The following KAZN variants were observed in gnomAD, a reference collection of about 807,000 sequenced individuals.
The protein encoded by KAZN is kazrin, periplakin interacting protein, also known as kazrin.
In KAZN, 40 loss-of-function variants were observed where a neutral mutation model predicts 87.4. The ratio of observed to expected loss-of-function variants is 0.46; its 90% CI spans 0.36 to 0.60. The LOEUF (loss-of-function observed/expected upper bound fraction) is 0.60, where lower values mean the gene tolerates loss of function less well. Among genes scored for constraint, KAZN ranks in the 20% least tolerant of loss-of-function variants. The pLI is 0.00. For synonymous variants in KAZN, 466 were observed against 458.3 expected (o/e 1.02, Z -0.22); for missense variants, 898 against 1,073.9 (o/e 0.84, Z 2.29).
At chr1:13,896,682 G>C (rs1160859709) in intron 1 of KAZN, among the ~76,000 whole-genome samples, 1 of 152,188 alleles carries the variant, frequency 6.6e-6, no homozygotes, top group African/African-American at 2.4e-5. Flanking sequence ...CATTTGGGAA[G>C]GAAAGCCTTG....
intron 1 of KAZN, among the ~76,000 whole-genome samples, chr1:14,878,867 A>G (rs1653040855): frequency 6.6e-6 from 1 of 152,196 alleles, no homozygotes; most frequent in Admixed American, 6.5e-5. Context: ...ATGAACGTAT[A>G]AAATGAATTT....
chr1:13,924,231 A>C (rs1640183242), intron 1 of KAZN, among the ~76,000 whole-genome samples: 1 of 152,222 alleles, frequency 6.6e-6, no homozygotes, highest in South Asian at 2.1e-4. Flanking sequence ...TGAAGGCTAA[A>C]AACTCAAAGG....
At chr1:15,051,953 G>C (rs2100446614) in intron 4 of KAZN, among the ~76,000 whole-genome samples, 1 of 152,344 alleles carries the variant, frequency 6.6e-6, no homozygotes, top group Non-Finnish European at 1.5e-5. Flanking sequence ...TTTGTGTCAA[G>C]TTAACAATTC....
intron 1 of KAZN, among the ~76,000 whole-genome samples, chr1:13,968,987 C>A (rs1642041062): frequency 6.6e-6 from 1 of 152,200 alleles, no homozygotes; most frequent in Non-Finnish European, 1.5e-5. Flanking sequence ...CTTATCAAGT[C>A]TAAAATGAGA....
chr1:14,746,785 T>C (rs1263854886), intron 1 of KAZN, among the ~76,000 whole-genome samples: 1 of 152,202 alleles, frequency 6.6e-6, no homozygotes, highest in Admixed American at 6.5e-5. Flanking sequence ...GTCAAAGTAG[T>C]CGTCTAGAGA....
chr1:15,066,333 C>T lies in KAZN; in HGVS notation c.1222+580C>T. ...GGATGTGGTCTGTTTTTGATGTCCC[C>T]CCTCCCGCCCCCCTGGTGTGAACGT... On this transcript the variant is annotated intron_variant, in intron 8 of 14. Transcript: ENST00000376030. The surrounding 1 kb of genome is among the most constrained non-coding windows in gnomAD (Gnocchi z 4.3). The T allele has an allele frequency of 3.4e-6, 1 of 297,310 alleles. No individual in the cohort carries two copies. The highest frequency in any genetic ancestry group is 5.0e-6 in the Non-Finnish European group (1 of 199,758). The allele number at this position is 297,310 out of a possible 1,614,324, so 18.4% of individuals were successfully genotyped here. A position where few individuals can be genotyped will look rare whatever the true frequency, so the allele number is the denominator to read the frequency against.
At chr1:14,101,108 A>G (rs1019242838) in intron 1 of KAZN, among the ~76,000 whole-genome samples, 5 of 152,172 alleles carry the variant, frequency 3.3e-5, no homozygotes, top group African/African-American at 1.2e-4. Flanking sequence ...CAGCAGCGTG[A>G]AAATGGACTA....
intron 1 of KAZN, among the ~76,000 whole-genome samples, chr1:14,721,714 G>A (rs562910762): frequency 6.6e-6 from 1 of 152,310 alleles, no homozygotes; most frequent in East Asian, 1.9e-4. Flanking sequence ...AGGTTCTGCA[G>A]AGATTTCTAT....
chr1:14,166,314 A>AAAAT (rs151108761), intron 1 of KAZN, among the ~76,000 whole-genome samples: 22 of 152,082 alleles, frequency 1.4e-4, no homozygotes, highest in South Asian at 8.3e-4. Context: ...GACTGTCTCA[A>AAAAT]AAATAAATAA....
At chr1:14,200,406 A>T (rs1288589206) in intron 2 of KAZN, among the ~76,000 whole-genome samples, 2 of 152,296 alleles carry the variant, frequency 1.3e-5, no homozygotes, top group Non-Finnish European at 2.9e-5. Flanking sequence ...TATTTTCACA[A>T]CTAGTAGGGG....
At chr1:14,925,759 G>A (rs1426596828) in intron 1 of KAZN, among the ~76,000 whole-genome samples, 1 of 152,142 alleles carries the variant, frequency 6.6e-6, no homozygotes, top group East Asian at 1.9e-4. Flanking sequence ...TTTTGCCTAT[G>A]GTAGCCTCCC....
At chr1:15,000,380 A>G (rs953938802) in intron 2 of KAZN, among the ~76,000 whole-genome samples, 2 of 151,866 alleles carry the variant, frequency 1.3e-5, no homozygotes, top group African/African-American at 4.9e-5. Context: ...ATAAAATAAT[A>G]CATCAGTGTT....
chr1:13,943,141 A>G (rs1641001167), intron 1 of KAZN, among the ~76,000 whole-genome samples: 1 of 152,232 alleles, frequency 6.6e-6, no homozygotes, highest in African/African-American at 2.4e-5. Flanking sequence ...CCAAGTAAGT[A>G]CAAAGAAGAC....
At chr1:14,401,736 T>C (rs1282508468) in intron 2 of KAZN, among the ~76,000 whole-genome samples, 1 of 152,102 alleles carries the variant, frequency 6.6e-6, no homozygotes, top group Admixed American at 6.6e-5. Context: ...TCAATATAAT[T>C]CATTTATTAT....
intron 2 of KAZN, among the ~76,000 whole-genome samples, chr1:14,279,653 C>G (rs1005184686): frequency 6.6e-6 from 1 of 152,134 alleles, no homozygotes; most frequent in African/African-American, 2.4e-5. Flanking sequence ...TAAGGATGCC[C>G]GTCTCCTAGA....
chr1:14,338,637 G>A (rs1280520711), intron 2 of KAZN, among the ~76,000 whole-genome samples: 5 of 152,226 alleles, frequency 3.3e-5, no homozygotes, highest in South Asian at 2.1e-4. Context: ...GCTGTATGTC[G>A]TCATGTCTCT....
At chr1:14,463,183 C>T (rs576816637) in intron 2 of KAZN, among the ~76,000 whole-genome samples, 69 of 152,252 alleles carry the variant, frequency 4.5e-4, no homozygotes, top group Non-Finnish European at 8.4e-4. Flanking sequence ...ATCATTGCTA[C>T]GGAAAAAGGT....
rs1408418259 is a variant in KAZN, at chr1:14,073,869, T to C, written c.92-106566T>C. On this transcript the variant is annotated intron_variant, in intron 1 of 16. Transcript: ENST00000636203. ...GTGCCGCAATAAACATACATGTGTA[T>C]GTGTCTTTATAGTGGAATGATTTAA... Among the ~76,000 whole-genome samples, 3 of 152,210 alleles carry C rather than the reference T, an allele frequency of 2.0e-5. No individual in the cohort carries two copies. In the South Asian group the frequency reaches 6.2e-4, roughly 32 times the overall value.
At chr1:14,323,144 G>A (rs897326989) in intron 2 of KAZN, among the ~76,000 whole-genome samples, 1 of 150,032 alleles carries the variant, frequency 6.7e-6, no homozygotes, top group African/African-American at 2.5e-5. Context: ...TTGACACACA[G>A]GGATTATGGG....
Sources: gnomAD v4.1 joint callset for allele counts (sites outside exome capture counted in the v4.1 genomes callset) on GRCh38, gnomAD v4.1.1 for gene constraint, Gnocchi (gnomAD v3.1) non-coding constraint, MANE v1.5 for transcripts, NCBI Gene and HGNC (gene_info 2026-07-23, HGNC 2026-07-21) for gene names.